Variants in FGD5 observed in about 807,000 individuals in gnomAD.
FGD5 encodes FYVE, RhoGEF and PH domain-containing protein 5.
FGD5 carries 28 observed loss-of-function variants against 133.4 expected under a neutral mutation model. The observed-to-expected ratio is 0.21, with a 90% CI of 0.16 to 0.29. FGD5 has a LOEUF of 0.29. Ranked by LOEUF, FGD5 falls within the 10% of genes least tolerant of loss-of-function variation. FGD5 has a pLI of 1.00. For synonymous variants in FGD5, 810 were observed against 776.5 expected, an observed-to-expected ratio of 1.04 and a Z score of -0.72; for missense variants, 1,858 against 1,895.2, an observed-to-expected ratio of 0.98 and a Z score of 0.36.
rs374486294 is a variant in FGD5, at chr3:14,917,107, C to T, written c.3406-142C>T. The stretch of plus-strand genomic sequence containing the variant: ...GCAAGGAAGGGGCTCACATTTTGGC[C>T]GCAACGTTTTTGCTCACCTGTGGGG... On this transcript the variant is annotated intron_variant, in intron 11 of 19. Coordinates refer to ENST00000285046, the MANE Select transcript of FGD5 (RefSeq NM_152536.4). The surrounding 1 kb of genome is among the most constrained non-coding windows in gnomAD (Gnocchi z 4.1). 2.5e-4 allele frequency: 154 copies of T among 614,064 alleles called. 1 individual carries two copies. In the South Asian group the frequency reaches 2.6e-3, roughly 11 times the overall value. The allele number at this position is 614,064 out of a possible 1,614,324, so 38.0% of individuals were successfully genotyped here. A position where few individuals can be genotyped will look rare whatever the true frequency, so the allele number is the denominator to read the frequency against.
At chr3:14,878,210 A>G (rs888039708) in intron 2 of FGD5, among the ~76,000 whole-genome samples, 2 of 152,192 alleles carry the variant, frequency 1.3e-5, no homozygotes, top group African/African-American at 4.8e-5. Flanking sequence ...CGGGTTGGTT[A>G]TTCTCTACCA....
At chr3:14,856,091 A>G (rs555027626) in intron 1 of FGD5, among the ~76,000 whole-genome samples, 6 of 152,136 alleles carry the variant, frequency 3.9e-5, no homozygotes, top group African/African-American at 7.2e-5. Context: ...TCATTCCTCT[A>G]CATATGGATA....
At chr3:14,862,999 T>C (rs906492144) in intron 1 of FGD5, among the ~76,000 whole-genome samples, 11 of 152,108 alleles carry the variant, frequency 7.2e-5, no homozygotes, top group Non-Finnish European at 1.6e-4. Flanking sequence ...AGCTCAGCTA[T>C]TCCCTAAGGC....
At chr3:14,829,667 G>A (rs2036668858) in intron 1 of FGD5, among the ~76,000 whole-genome samples, 1 of 152,174 alleles carries the variant, frequency 6.6e-6, no homozygotes, top group Non-Finnish European at 1.5e-5. Flanking sequence ...GAAATAATAG[G>A]AATTCAGTCT....
chr3:14,853,971 A>T (rs537425698), intron 1 of FGD5, among the ~76,000 whole-genome samples: 1 of 151,926 alleles, frequency 6.6e-6, no homozygotes, highest in Admixed American at 6.6e-5. Flanking sequence ...TCCCAGGGAG[A>T]CTAGGCGGGG....
intron 2 of FGD5, among the ~76,000 whole-genome samples, chr3:14,865,119 A>ACCC (rs1216267069): frequency 3.2e-4 from 45 of 140,840 alleles, no homozygotes; most frequent in Non-Finnish European, 3.4e-4. Flanking sequence ...CCCCCACCCA[A>ACCC]CCCACCCATC....
rs369099481 is a variant in FGD5, at chr3:14,901,069, C to A, written c.3264+8C>A. The A allele has an allele frequency of 1.9e-6, 3 of 1,614,014 alleles. No homozygotes were observed. In the East Asian group the frequency reaches 6.7e-5, roughly 36 times the overall value. Reference sequence around the variant, plus strand: ...GACAGCATGGAGCAAGGGGTGAGTGCGGCCTGGCGGCCCCCTTCCTCAGAC... The same window carrying A: ...GACAGCATGGAGCAAGGGGTGAGTGAGGCCTGGCGGCCCCCTTCCTCAGAC... On this transcript the variant is annotated splice_region_variant and intron_variant, in intron 9 of 19. Transcript: ENST00000285046.
chr3:14,869,454 TCCA>T lies in FGD5; in HGVS notation c.2658+5198_2658+5200del, dbSNP rs1028819622. Among the ~76,000 whole-genome samples, 19 of 152,264 alleles carry T rather than the reference TCCA, an allele frequency of 1.2e-4. 1 individual carries two copies. Among genetic ancestry groups the T allele is most frequent in the Admixed American group, 1.2e-3 (18 of 15,280 alleles). On this transcript the variant is annotated intron_variant, in intron 2 of 19. Transcript: ENST00000285046. Reference sequence around the variant, plus strand: ...GTGGGAAAATACACATAACATAAAATCCACCATCGTAACCATTTTTAAGTGTGC... The same window carrying T: ...GTGGGAAAATACACATAACATAAAATCCATCGTAACCATTTTTAAGTGTGC...
rs923775093 is a variant in FGD5 at position 14,925,079 on chromosome 3, C to T, written c.4068+941C>T. ...ATGGCGCCACTGCACACCAGCCTGG[C>T]GACACAGCAAGACTCTGTCTCAAAA... On this transcript the variant is annotated intron_variant, in intron 17 of 19. Transcript: ENST00000285046. 5.1e-5 allele frequency among the ~76,000 whole-genome samples: 6 copies of T among 118,584 alleles called. No individual in the cohort carries two copies. The East Asian group carries it at 1.4e-3, about 27-fold the overall frequency. 77.8% of individuals were successfully genotyped at this position (118,584 alleles called of 152,430 possible). A position where few individuals can be genotyped will look rare whatever the true frequency, so the allele number is the denominator to read the frequency against.
At chr3:14,849,148 C>T (rs34319137) in intron 1 of FGD5, among the ~76,000 whole-genome samples, 77,570 of 152,012 alleles carry the variant, frequency 0.51, 20,116 homozygotes, top group African/African-American at 0.55. Context: ...TCAGTGTGTC[C>T]GTCTCTGTCT....
At chr3:14,811,416 C>G (rs1299562941) in intron 1 of FGD5, 1 of 152,202 alleles carries the variant, frequency 6.6e-6, no homozygotes, top group Non-Finnish European at 1.5e-5. Context: ...GGAGCTTACT[C>G]TCCAGATGAG....
chr3:14,884,575 C>T (rs2037888777), intron 4 of FGD5, among the ~76,000 whole-genome samples: 1 of 152,210 alleles, frequency 6.6e-6, no homozygotes, highest in Non-Finnish European at 1.5e-5. Context: ...CCACTTCAAA[C>T]TACTGGTGCC....
At chr3:14,817,618 C>T (rs2036392445), upstream of FGD5, among the ~76,000 whole-genome samples, 1 of 152,194 alleles carries the variant, frequency 6.6e-6, no homozygotes, top group East Asian at 1.9e-4. Context: ...GTTTCAGGGA[C>T]AACACTGGGC....
chr3:14,840,787 G>A (rs964953958), intron 1 of FGD5, among the ~76,000 whole-genome samples: 1 of 152,146 alleles, frequency 6.6e-6, no homozygotes, highest in Non-Finnish European at 1.5e-5. Flanking sequence ...ATGAGCATTG[G>A]GTTGTGTTTT....
intron 17 of FGD5, 22 bp from the exon 18 acceptor site, chr3:14,926,048 C>T (rs771207872): frequency 4.3e-6 from 7 of 1,612,244 alleles, no homozygotes; most frequent in African/African-American, 2.7e-5. Context: ...GTGGGCTGAC[C>T]GCTCTGCTTC....
chr3:14,850,520 C>G (rs140448655), intron 1 of FGD5, among the ~76,000 whole-genome samples: 7 of 152,250 alleles, frequency 4.6e-5, no homozygotes, highest in African/African-American at 1.7e-4. Context: ...GACGCCCTCC[C>G]CCTGGGTGAT....
chr3:14,858,997 A>G (rs1226090780), intron 1 of FGD5, among the ~76,000 whole-genome samples: 1 of 152,182 alleles, frequency 6.6e-6, no homozygotes, highest in Non-Finnish European at 1.5e-5. Context: ...TCTGTTTAAG[A>G]TAGGGTCTGT....
At chr3:14,848,387 C>T (rs1280389210) in intron 1 of FGD5, among the ~76,000 whole-genome samples, 1 of 79,394 alleles carries the variant, frequency 1.3e-5, no homozygotes, top group African/African-American at 5.7e-5. Context: ...TCATCCTTCC[C>T]CCTGGCCCTC....
At chr3:14,811,191 T>G (rs1284120751) in intron 1 of FGD5, among the ~76,000 whole-genome samples, 1 of 152,104 alleles carries the variant, frequency 6.6e-6, no homozygotes, top group Non-Finnish European at 1.5e-5. Context: ...AAGACGCCCC[T>G]TTCGCAAAAG....
Sources: allele counts gnomAD v4.1 joint callset (sites outside exome capture counted in the v4.1 genomes callset), GRCh38; gene constraint gnomAD v4.1.1; non-coding constraint Gnocchi (gnomAD v3.1); transcripts MANE v1.5; gene names NCBI Gene and HGNC (gene_info 2026-07-23, HGNC 2026-07-21).